Variants in ABCB4 observed in about 807,000 individuals in gnomAD.
The protein encoded by ABCB4 is phosphatidylcholine translocator ABCB4.
Under a neutral mutation model 145.7 loss-of-function variants are expected in ABCB4, and 76 were observed. That is an observed-to-expected ratio of 0.52 (90% CI 0.43 to 0.63). The LOEUF (loss-of-function observed/expected upper bound fraction) is 0.63. Ranked by LOEUF, ABCB4 falls within the 30% of genes least tolerant of loss-of-function variation. ABCB4 has a pLI of 0.00. For synonymous variants in ABCB4, 517 were observed against 566.8 expected, an observed-to-expected ratio of 0.91 and a Z score of 1.25; for missense variants, 1,234 against 1,553.1, an observed-to-expected ratio of 0.79 and a Z score of 3.45.
chr7:87,422,870 G>T (rs1337164252), intron 17 of ABCB4, among the ~76,000 whole-genome samples: 1 of 152,074 alleles, frequency 6.6e-6, no homozygotes, highest in Non-Finnish European at 1.5e-5. Flanking sequence ...TGTCTTCCCC[G>T]ACAGAAACCG....
At chr7:87,458,137 C>A (rs914708125) in intron 4 of ABCB4, among the ~76,000 whole-genome samples, 1 of 152,084 alleles carries the variant, frequency 6.6e-6, no homozygotes, top group African/African-American at 2.4e-5. Context: ...AAACAAGAGG[C>A]AATGCAAGGA....
intron 5 of ABCB4, 108 bp downstream of exon 5, chr7:87,454,427 G>C: frequency 1.1e-6 from 1 of 894,662 alleles, no homozygotes; most frequent in Non-Finnish European, 1.7e-6. Context: ...GATAATAATA[G>C]GTGAATCTGG....
the ABCB4 span, among the ~76,000 whole-genome samples, chr7:87,376,447 C>T: frequency 6.6e-6 from 1 of 151,936 alleles, no homozygotes; most frequent in Admixed American, 6.6e-5. Flanking sequence ...GTAAATATGG[C>T]CTTATTTTAT....
At chr7:87,442,801 AC>A (rs1025302094) in intron 12 of ABCB4, among the ~76,000 whole-genome samples, 2 of 152,164 alleles carry the variant, frequency 1.3e-5, no homozygotes, top group Admixed American at 6.5e-5. Flanking sequence ...TGGCAAAAAA[AC>A]ATACCCTAGG....
the ABCB4 span, among the ~76,000 whole-genome samples, chr7:87,372,003 A>AG: frequency 9.4e-6 from 1 of 106,636 alleles, no homozygotes; most frequent in Non-Finnish European, 2.1e-5. Context: ...CAAAAAAAAA[A>AG]AAACAAAAAA....
At chr7:87,403,513 CTAAAA>C (rs960957233) in intron 26 of ABCB4, 21 of 540,212 alleles carry the variant, frequency 3.9e-5, no homozygotes, top group African/African-American at 2.9e-4. Context: ...GGAGGATACT[CTAAAA>C]TAACAAATGC....
At chr7:87,422,822 A>G (rs1291587786) in intron 17 of ABCB4, among the ~76,000 whole-genome samples, 1 of 152,166 alleles carries the variant, frequency 6.6e-6, no homozygotes, top group African/African-American at 2.4e-5. Flanking sequence ...TCAACATGTT[A>G]CATGTTTGTG....
At chr7:87,377,371 G>A in the ABCB4 span, 1 of 1,607,602 alleles carries the variant, frequency 6.2e-7, no homozygotes, top group Non-Finnish European at 8.5e-7. Context: ...ATCCTTATTG[G>A]AGATCCAACA....
At position 87,418,480 on chromosome 7, in the gene ABCB4, A is replaced by G. The variant is rs1423382489; in HGVS notation, c.2478+57T>C. ...ATCTTAACAAGTGTGGGTATGCTACATGCTTATCTAAAACCATGTTATGTA... is the reference window on the plus strand; with the variant it reads ...ATCTTAACAAGTGTGGGTATGCTACGTGCTTATCTAAAACCATGTTATGTA... On this transcript the variant is annotated intron_variant, in intron 20 of 27. Coordinates refer to ENST00000649586, the MANE Select transcript of ABCB4 (RefSeq NM_000443.4). The G allele has an allele frequency of 2.7e-6, 4 of 1,500,558 alleles. No individual in the cohort carries two copies. The East Asian group carries it at 6.8e-5, about 25-fold the overall frequency. The allele number at this position is 1,500,558 out of a possible 1,614,324, so 93.0% of individuals were successfully genotyped here.
chr7:87,463,723 G>A (rs886350749), intron 3 of ABCB4, among the ~76,000 whole-genome samples: 1 of 152,170 alleles, frequency 6.6e-6, no homozygotes, highest in African/African-American at 2.4e-5. Flanking sequence ...TAGAAGGCCT[G>A]CGCTGGTGGG....
chr7:87,410,828 C>A (rs1808568657), intron 23 of ABCB4, among the ~76,000 whole-genome samples: 1 of 152,158 alleles, frequency 6.6e-6, no homozygotes, highest in Non-Finnish European at 1.5e-5. Context: ...GGGAGTGAGG[C>A]CAAGGTATTT....
chr7:87,426,646 G>C lies in ABCB4; in HGVS notation c.2064+104C>G, dbSNP rs1413341568. Reference sequence around the variant, plus strand: ...TTCTTTACAAAGAGTATGGCTCATAGTAGCAGTCATCTGTGCCTGAAAAAT... The same window carrying C: ...TTCTTTACAAAGAGTATGGCTCATACTAGCAGTCATCTGTGCCTGAAAAAT... On this transcript the variant is annotated intron_variant, in intron 16 of 27. Coordinates refer to ENST00000649586, the MANE Select transcript of ABCB4 (RefSeq NM_000443.4). 4 of 1,152,328 alleles carry C rather than the reference G, an allele frequency of 3.5e-6. No individual in the cohort carries two copies. In the East Asian group the frequency reaches 9.7e-5, roughly 28 times the overall value. 71.4% of individuals were successfully genotyped at this position (1,152,328 alleles called of 1,614,324 possible).
At position 87,418,637 on chromosome 7, in the gene ABCB4, A is replaced by AG; in HGVS notation, c.2395-18_2395-17insC. ...GCTCATGTCCTATGGCATAAAATAC[A>AG]CGTTTATGTTAGTTCAAAATTAAAA... On this transcript the variant is annotated splice_polypyrimidine_tract_variant and intron_variant, in intron 19 of 27. Coordinates refer to ENST00000649586, the MANE Select transcript of ABCB4 (RefSeq NM_000443.4). 1 of 1,607,358 alleles carries AG rather than the reference A, an allele frequency of 6.2e-7. No homozygotes were observed. The highest frequency in any genetic ancestry group is 1.1e-5 in the South Asian group (1 of 90,964).
chr7:87,436,751 C>T (rs116874664), intron 14 of ABCB4, among the ~76,000 whole-genome samples: 61 of 152,268 alleles, frequency 4.0e-4, no homozygotes, highest in African/African-American at 1.4e-3. Context: ...GGGTAATTGG[C>T]TGCATGTCAG....
chr7:87,471,091 C>T (rs540924431), intron 3 of ABCB4, among the ~76,000 whole-genome samples: 1 of 152,110 alleles, frequency 6.6e-6, no homozygotes. Flanking sequence ...AGCTGGAAAC[C>T]ATCCTCAGCA....
At chr7:87,412,265 T>C (rs1808676242) in intron 22 of ABCB4, among the ~76,000 whole-genome samples, 1 of 152,250 alleles carries the variant, frequency 6.6e-6, no homozygotes, top group South Asian at 2.1e-4. Flanking sequence ...GCCTAGTTCA[T>C]AGTGGTTCCT....
At chr7:87,376,487 G>T in the ABCB4 span, among the ~76,000 whole-genome samples, 1 of 152,018 alleles carries the variant, frequency 6.6e-6, no homozygotes, top group Non-Finnish European at 1.5e-5. Flanking sequence ...GGTGACATTT[G>T]TGTCCCAGGA....
At chr7:87,474,829 T>G (rs537097730) in intron 2 of ABCB4, among the ~76,000 whole-genome samples, 1 of 151,670 alleles carries the variant, frequency 6.6e-6, no homozygotes, top group African/African-American at 2.4e-5. Context: ...CTGATTCGGA[T>G]GTACAGAAGT....
the ABCB4 span, among the ~76,000 whole-genome samples, chr7:87,368,971 T>C: frequency 2.6e-5 from 4 of 152,250 alleles, no homozygotes; most frequent in Non-Finnish European, 4.4e-5. Context: ...ATTACTGCAA[T>C]TAAATTATCT....
Sources: allele counts gnomAD v4.1 joint callset (sites outside exome capture counted in the v4.1 genomes callset), GRCh38; gene constraint gnomAD v4.1.1; transcripts MANE v1.5; gene names NCBI Gene and HGNC (gene_info 2026-07-23, HGNC 2026-07-21).